STXBP3: variants seen among roughly 807,000 people sequenced by gnomAD.
STXBP3 encodes syntaxin-binding protein 3.
A neutral mutation model predicts 85.7 loss-of-function variants in STXBP3; 41 were observed. That is an observed-to-expected ratio of 0.48 (90% CI 0.37 to 0.62). STXBP3 has a LOEUF of 0.62. Among genes scored for constraint, STXBP3 ranks in the 20% least tolerant of loss-of-function variants. The pLI is 0.00. For missense variants in STXBP3, 563 were observed against 703.1 expected (o/e 0.80, Z 2.25); for synonymous variants, 229 against 231.7 (o/e 0.99, Z 0.10).
chr1:108,755,958 A>T (rs1255533148), intron 3 of STXBP3, among the ~76,000 whole-genome samples: 1 of 152,210 alleles, frequency 6.6e-6, no homozygotes, highest in Non-Finnish European at 1.5e-5. Context: ...CGTCACATTA[A>T]TGTTAATTCT....
intron 11 of STXBP3, among the ~76,000 whole-genome samples, chr1:108,783,623 A>AT (rs1370309747): frequency 6.6e-6 from 1 of 151,864 alleles, no homozygotes; most frequent in African/African-American, 2.4e-5. Context: ...GCTGCTATGG[A>AT]TTTTTTTGTA....
intron 8 of STXBP3, 151 bp from the exon 9 acceptor site, chr1:108,779,135 C>T: frequency 1.3e-6 from 1 of 765,000 alleles, no homozygotes. Flanking sequence ...ATTCTTAAGA[C>T]AATTAACCAT....
intron 11 of STXBP3, among the ~76,000 whole-genome samples, chr1:108,793,246 CA>C (rs1275051851): frequency 7.8e-6 from 1 of 128,804 alleles, no homozygotes; most frequent in Non-Finnish European, 1.6e-5. Flanking sequence ...GTTTGGAAAA[CA>C]TCTTTAGGGA....
At chr1:108,759,838 A>T in intron 5 of STXBP3, 147 bp from the exon 6 acceptor site, 1 of 515,122 alleles carries the variant, frequency 1.9e-6, no homozygotes, top group Non-Finnish European at 3.4e-6. Flanking sequence ...TTGTAAAGCA[A>T]ATAACAATAT....
chr1:108,793,071 A>G (rs986415860), intron 11 of STXBP3, among the ~76,000 whole-genome samples: 1 of 141,872 alleles, frequency 7.0e-6, no homozygotes, highest in African/African-American at 2.6e-5. Flanking sequence ...CTCTTTACAC[A>G]TTTTTGGGTT....
intron 9 of STXBP3, 101 bp downstream of exon 9, chr1:108,779,511 AAC>A: frequency 8.9e-6 from 11 of 1,242,806 alleles, no homozygotes; most frequent in Non-Finnish European, 1.1e-5. Flanking sequence ...AAGCCCCTAT[AAC>A]CTTTTCTATT....
chr1:108,751,681 A>G (rs1054707134), intron 1 of STXBP3, among the ~76,000 whole-genome samples: 2 of 152,170 alleles, frequency 1.3e-5, no homozygotes, highest in Non-Finnish European at 2.9e-5. Context: ...TATTTAATAC[A>G]TAATGGAAAA....
At chr1:108,787,783 T>TTTTTTTC (rs1424249794) in intron 11 of STXBP3, among the ~76,000 whole-genome samples, 1 of 151,986 alleles carries the variant, frequency 6.6e-6, no homozygotes, top group African/African-American at 2.4e-5. Context: ...CTGTTTTTTG[T>TTTTTTTC]TTTTTTCTTT....
chr1:108,798,496 A>G (rs915825817), intron 16 of STXBP3, among the ~76,000 whole-genome samples: 2 of 149,786 alleles, frequency 1.3e-5, no homozygotes, highest in Middle Eastern at 3.4e-3. Flanking sequence ...GCTCACTGCA[A>G]CCTTCGCCTC....
In STXBP3 at chr1:108,776,476, T is replaced by C. The variant is rs746298350; in HGVS notation, c.684+53T>C. ...ATGCATAAAGTCTGTCTTATTTCTT[T>C]ATAAGCCAAAGAAACTTGCTCATTC... is the stretch of plus-strand genomic sequence containing the variant. On this transcript the variant is annotated intron_variant, in intron 8 of 18. Transcript: ENST00000370008. The C allele has an allele frequency of 6.5e-6, 9 of 1,380,422 alleles. No individual in the cohort carries two copies. In the South Asian group the frequency reaches 7.7e-5, roughly 12 times the overall value. 85.5% of individuals were successfully genotyped at this position (1,380,422 alleles called of 1,614,324 possible).
At chr1:108,771,928 ATC>A (rs1361495073) in intron 6 of STXBP3, among the ~76,000 whole-genome samples, 9 of 40,588 alleles carry the variant, frequency 2.2e-4, no homozygotes, top group Non-Finnish European at 2.8e-4. Flanking sequence ...TATGATATCT[ATC>A]TGTATCATAT....
intron 8 of STXBP3, among the ~76,000 whole-genome samples, chr1:108,778,722 A>T (rs1690733): frequency 0.7 from 107,180 of 152,088 alleles, 38,763 homozygotes; most frequent in Non-Finnish European, 0.77. Context: ...CTCAATTCAT[A>T]AGAAAATAGA....
At chr1:108,794,745 G>A (rs1245779661) in intron 12 of STXBP3, 82 bp from the exon 13 acceptor site, 1 of 1,204,170 alleles carries the variant, frequency 8.3e-7, no homozygotes, top group Non-Finnish European at 1.2e-6. Context: ...CTTTCTTTCA[G>A]GCCTGTCTCA....
At position 108,796,681 on chromosome 1, in the gene STXBP3, C is replaced by A; in HGVS notation, c.1311C>A (p.Asp437Glu). 6.2e-7 allele frequency: 1 copy of A among 1,613,606 alleles called. No homozygotes were observed. The highest frequency in any genetic ancestry group is 8.5e-7 in the Non-Finnish European group (1 of 1,179,814). The part of the protein sequence containing the change: ...IQNVKIENES[D>E]MIRNWSYLGV... ...ATGTAAAGATAGAAAATGAGAGTGA[C>A]ATGATTCGTAACTGGAGTTACCTTG... Residue 437 changes from aspartate (D) to glutamate (E), a missense_variant, in exon 15 of 19, where the codon GAC (aspartate) becomes GAA (glutamate). Physicochemically the swap from Asp to Glu is conservative, Grantham distance 45. Around this residue, in one of 3 missense-constraint regions of STXBP3, gnomAD observed 494 missense variants for 592.8 expected, o/e 0.83. Transcript: ENST00000370008.
At chr1:108,786,214 A>G (rs1759486) in intron 11 of STXBP3, among the ~76,000 whole-genome samples, 108,724 of 152,052 alleles carry the variant, frequency 0.72, 39,855 homozygotes, top group Non-Finnish European at 0.78. Context: ...AGTCATGGTG[A>G]AAGGCACCTC....
chr1:108,794,307 T>C (rs1663043766), intron 12 of STXBP3, among the ~76,000 whole-genome samples: 1 of 152,284 alleles, frequency 6.6e-6, no homozygotes. Flanking sequence ...TGTAAGGAAA[T>C]ACCCAGGACT....
At chr1:108,786,254 G>A (rs1273043122) in intron 11 of STXBP3, among the ~76,000 whole-genome samples, 9 of 152,302 alleles carry the variant, frequency 5.9e-5, no homozygotes, top group African/African-American at 2.2e-4. Flanking sequence ...GAGAAAGAAT[G>A]CCGAGTGAAG....
chr1:108,767,074 A>G, intron 6 of STXBP3: 1 of 357,330 alleles, frequency 2.8e-6, no homozygotes, highest in Non-Finnish European at 5.5e-6. Context: ...CAGCATTAAT[A>G]AAATATGGAA....
At chr1:108,785,314 T>C (rs80057055) in intron 11 of STXBP3, among the ~76,000 whole-genome samples, 2 of 152,204 alleles carry the variant, frequency 1.3e-5, no homozygotes, top group Non-Finnish European at 2.9e-5. Context: ...ACCTCAGTTC[T>C]TGACTTCTAT....
Sources: allele counts gnomAD v4.1 joint callset (sites outside exome capture counted in the v4.1 genomes callset), GRCh38; gene constraint gnomAD v4.1.1; regional missense constraint gnomAD v4.1.1; transcripts MANE v1.5; gene names NCBI Gene and HGNC (gene_info 2026-07-23, HGNC 2026-07-21).